ANGPT1: variants seen among roughly 807,000 people sequenced by gnomAD.
ANGPT1 encodes angiopoietin 1, also known as angiopoietin-1.
In ANGPT1, 17 loss-of-function variants were observed where a neutral mutation model predicts 62.2. The observed-to-expected ratio is 0.27, with a 90% CI of 0.19 to 0.41. The LOEUF is 0.41. Among genes scored for constraint, ANGPT1 ranks in the 10% least tolerant of loss-of-function variants. The probability of loss-of-function intolerance (pLI) is 1.00; values close to 1 mark genes in which losing one functional copy is unlikely to be tolerated. For synonymous variants in ANGPT1, 199 were observed against 198.9 expected (o/e 1.00, Z 0.00); for missense variants, 478 against 594.9 (o/e 0.80, Z 2.04).
At chr8:107,433,308 T>C (rs1409932762) in intron 1 of ANGPT1, among the ~76,000 whole-genome samples, 2 of 152,318 alleles carry the variant, frequency 1.3e-5, no homozygotes, top group East Asian at 1.9e-4. Context: ...AGCAGATACA[T>C]ATCAGGGAAG....
At chr8:107,405,110 G>A (rs1817122537) in intron 1 of ANGPT1, among the ~76,000 whole-genome samples, 1 of 151,416 alleles carries the variant, frequency 6.6e-6, no homozygotes. Context: ...TACATATCAA[G>A]AATAAAGAAA....
chr8:107,262,366 A>G (rs538258750), intron 8 of ANGPT1, among the ~76,000 whole-genome samples: 2 of 152,240 alleles, frequency 1.3e-5, no homozygotes, highest in Admixed American at 6.5e-5. Context: ...CATGTACACT[A>G]CTACTTCACT....
At chr8:107,474,138 A>G (rs1197176813) in intron 1 of ANGPT1, among the ~76,000 whole-genome samples, 1 of 152,178 alleles carries the variant, frequency 6.6e-6, no homozygotes, top group African/African-American at 2.4e-5. Flanking sequence ...CAACAAAAAA[A>G]GAGAATTTTA....
At chr8:107,428,751 T>G (rs2130397864) in intron 1 of ANGPT1, among the ~76,000 whole-genome samples, 1 of 152,290 alleles carries the variant, frequency 6.6e-6, no homozygotes. Context: ...CATCAGTAGC[T>G]AATTCACCTT....
intron 1 of ANGPT1, among the ~76,000 whole-genome samples, chr8:107,355,566 T>C (rs1274176062): frequency 1.5e-5 from 2 of 130,388 alleles, no homozygotes; most frequent in Non-Finnish European, 3.2e-5. Flanking sequence ...GCTCCAGACA[T>C]ACCAAATGAC....
chr8:107,398,294 TC>T (rs2130322404), intron 1 of ANGPT1, among the ~76,000 whole-genome samples: 1 of 152,286 alleles, frequency 6.6e-6, no homozygotes, highest in Admixed American at 6.5e-5. Context: ...TTGGTTTTCT[TC>T]TGCTTTTGTG....
intron 3 of ANGPT1, among the ~76,000 whole-genome samples, chr8:107,324,973 C>A (rs1815252230): frequency 6.6e-6 from 1 of 152,132 alleles, no homozygotes; most frequent in Admixed American, 6.5e-5. Context: ...CTGTGATGAT[C>A]ACTTATTTTT....
At chr8:107,383,378 C>T (rs1283197727) in intron 1 of ANGPT1, among the ~76,000 whole-genome samples, 2 of 152,156 alleles carry the variant, frequency 1.3e-5, no homozygotes, top group East Asian at 1.9e-4. Context: ...AAGCAAAAGT[C>T]CAGCCTTACA....
Position 107,250,274 on chromosome 8 carries a change from C to T in ANGPT1, c.*1581G>A, listed in dbSNP as rs1042752285. 1 of 152,124 alleles carries T rather than the reference C, an allele frequency of 6.6e-6. No homozygotes were observed. Among genetic ancestry groups the T allele is most frequent in the African/African-American group, 2.4e-5 (1 of 41,448 alleles). 9.4% of individuals were successfully genotyped at this position (152,124 alleles called of 1,614,324 possible). A position where few individuals can be genotyped will look rare whatever the true frequency, so the allele number is the denominator to read the frequency against. ...TTACTGTCATAACCTTGGACACTTACAGGCAGAGAAGACTTCTTGATAAAA... is the reference window on the plus strand; with the variant it reads ...TTACTGTCATAACCTTGGACACTTATAGGCAGAGAAGACTTCTTGATAAAA... On this transcript the variant is annotated 3_prime_UTR_variant, in exon 9 of 9. Transcript: ENST00000517746.
intron 1 of ANGPT1, chr8:107,494,945 G>A (rs1464658695): frequency 6.6e-6 from 1 of 152,126 alleles, no homozygotes; most frequent in Non-Finnish European, 1.5e-5. Context: ...AGTTTCTGCA[G>A]GGTGTTGCTT....
chr8:107,414,138 A>C (rs1004163910), intron 1 of ANGPT1, among the ~76,000 whole-genome samples: 2 of 152,096 alleles, frequency 1.3e-5, no homozygotes, highest in Non-Finnish European at 2.9e-5. Context: ...GGAACCCTAA[A>C]TATACACTGA....
chr8:107,447,881 C>G (rs1021806551), intron 1 of ANGPT1, among the ~76,000 whole-genome samples: 1 of 152,142 alleles, frequency 6.6e-6, no homozygotes, highest in Non-Finnish European at 1.5e-5. Context: ...TAAGTTTACG[C>G]AAAGGATTTG....
intron 1 of ANGPT1, among the ~76,000 whole-genome samples, chr8:107,412,482 C>A (rs1810615522): frequency 6.6e-6 from 1 of 151,942 alleles, no homozygotes; most frequent in South Asian, 2.1e-4. Context: ...AAAACAAAAA[C>A]AGACTGATTC....
At chr8:107,283,546 T>C (rs1029558748) in intron 7 of ANGPT1, among the ~76,000 whole-genome samples, 3 of 152,124 alleles carry the variant, frequency 2.0e-5, no homozygotes, top group Non-Finnish European at 4.4e-5. Context: ...AAAAAAGGTT[T>C]GTCTTGAAAA....
intron 4 of ANGPT1, among the ~76,000 whole-genome samples, chr8:107,321,142 C>G (rs1366367113): frequency 6.6e-6 from 1 of 151,934 alleles, no homozygotes; most frequent in South Asian, 2.1e-4. Context: ...CAGGTGCAAG[C>G]AGAGGCATTC....
intron 1 of ANGPT1, among the ~76,000 whole-genome samples, chr8:107,450,956 G>T (rs1032586757): frequency 1.3e-5 from 2 of 151,592 alleles, no homozygotes; most frequent in Non-Finnish European, 3.0e-5. Flanking sequence ...ATGTATGACT[G>T]CCTTCTACAT....
chr8:107,403,578 T>C (rs547960027), intron 1 of ANGPT1, among the ~76,000 whole-genome samples: 17 of 152,170 alleles, frequency 1.1e-4, no homozygotes, highest in African/African-American at 4.1e-4. Context: ...AATCAAGTTA[T>C]AGGAAAACTG....
At chr8:107,310,094 G>A (rs571525489) in intron 4 of ANGPT1, among the ~76,000 whole-genome samples, 2 of 152,012 alleles carry the variant, frequency 1.3e-5, no homozygotes, top group Admixed American at 6.6e-5. Context: ...TAATTTTATA[G>A]ATAATCTATA....
chr8:107,280,713 A>C (rs13264444), intron 7 of ANGPT1, among the ~76,000 whole-genome samples: 20,675 of 152,154 alleles, frequency 0.14, 1,643 homozygotes, highest in East Asian at 0.35. Context: ...GTATGGCAGC[A>C]ATAGGTGCAT....
Sources: gnomAD v4.1 joint callset for allele counts (sites outside exome capture counted in the v4.1 genomes callset) on GRCh38, gnomAD v4.1.1 for gene constraint, MANE v1.5 for transcripts, NCBI Gene and HGNC (gene_info 2026-07-23, HGNC 2026-07-21) for gene names.